Variants in AXDND1 observed in about 807,000 individuals in gnomAD.
The protein encoded by AXDND1 is axonemal dynein light chain domain-containing protein 1.
In AXDND1, 110 loss-of-function variants were observed where a neutral mutation model predicts 137.5. The ratio of observed to expected loss-of-function variants is 0.80; its 90% CI spans 0.69 to 0.94. AXDND1 has a LOEUF of 0.94. AXDND1 is among the 40% of genes least tolerant of loss of function. The pLI is 0.00. For synonymous variants in AXDND1, 414 were observed against 399.7 expected (o/e 1.04, Z -0.43); for missense variants, 1,191 against 1,169.8 (o/e 1.02, Z -0.26).
chr1:179,530,685 C>G (rs1670963220), intron 23 of AXDND1, among the ~76,000 whole-genome samples: 1 of 152,192 alleles, frequency 6.6e-6, no homozygotes, highest in Non-Finnish European at 1.5e-5. Context: ...GCTGCTGCTA[C>G]TACAGATCAC....
At chr1:179,402,291 A>C (rs1457630719) in intron 11 of AXDND1, among the ~76,000 whole-genome samples, 1 of 152,050 alleles carries the variant, frequency 6.6e-6, no homozygotes, top group Non-Finnish European at 1.5e-5. Context: ...TTTCTGTAGT[A>C]TAACTTTCTT....
Position 179,395,140 on chromosome 1 carries a change from G to C in AXDND1, c.1047G>C (p.Lys349Asn). Reference sequence around the variant, plus strand: ...GGGCACATGATGTGAAATTAACAAAGGAAACAGAAAAAGCCCACAAGGATT... The same window carrying C: ...GGGCACATGATGTGAAATTAACAAACGAAACAGAAAAAGCCCACAAGGATT... Reference protein sequence around the residue: ...LVRAHDVKLTKETEKAHKDLA... With the variant: ...LVRAHDVKLTNETEKAHKDLA... The change falls in exon 11 of 26, where the codon AAG becomes AAC. Residue 349 changes from lysine to asparagine, a missense_variant. Coordinates refer to ENST00000367618, the MANE Select transcript of AXDND1 (RefSeq NM_144696.6). The C allele has an allele frequency of 1.1e-5, 18 of 1,613,374 alleles. No individual in the cohort carries two copies. Among genetic ancestry groups the C allele is most frequent in the Non-Finnish European group, 1.5e-5 (18 of 1,179,714 alleles).
chr1:179,377,090 C>A (rs1647391751), intron 4 of AXDND1, among the ~76,000 whole-genome samples: 1 of 152,054 alleles, frequency 6.6e-6, no homozygotes, highest in South Asian at 2.1e-4. Flanking sequence ...CACCACCACG[C>A]CCGGCTAATT....
chr1:179,508,929 T>C (rs1235340693), intron 20 of AXDND1, among the ~76,000 whole-genome samples: 1 of 152,222 alleles, frequency 6.6e-6, no homozygotes, highest in Admixed American at 6.5e-5. Context: ...TATAATTAAG[T>C]ACAAGGTAGG....
intron 25 of AXDND1, among the ~76,000 whole-genome samples, chr1:179,546,754 T>G (rs532228977): frequency 3.9e-5 from 6 of 152,090 alleles, no homozygotes; most frequent in Non-Finnish European, 8.8e-5. Flanking sequence ...CATACCATAG[T>G]GTACTTAAGG....
At chr1:179,413,034 A>T (rs904081918) in intron 12 of AXDND1, among the ~76,000 whole-genome samples, 1 of 152,176 alleles carries the variant, frequency 6.6e-6, no homozygotes, top group Non-Finnish European at 1.5e-5. Context: ...AATTGAGATT[A>T]CTACATCTTG....
intron 17 of AXDND1, among the ~76,000 whole-genome samples, chr1:179,471,563 G>T (rs555438004): frequency 6.6e-6 from 1 of 151,972 alleles, no homozygotes; most frequent in Admixed American, 6.6e-5. Context: ...CCCTTCTCTC[G>T]TTTCCAATTC....
At chr1:179,439,540 G>C (rs1429006402) in intron 15 of AXDND1, among the ~76,000 whole-genome samples, 2 of 152,178 alleles carry the variant, frequency 1.3e-5, no homozygotes, top group East Asian at 3.8e-4. Flanking sequence ...TCGTACTGCT[G>C]GGGGATTGGG....
At chr1:179,551,552 T>C (rs1024698691) in intron 25 of AXDND1, 1 of 1,366,174 alleles carries the variant, frequency 7.3e-7, no homozygotes, top group African/African-American at 1.4e-5. Flanking sequence ...GCATCTACTA[T>C]GTGGCAAGCA....
At chr1:179,512,943 AT>A in intron 21 of AXDND1, among the ~76,000 whole-genome samples, 1 of 152,074 alleles carries the variant, frequency 6.6e-6, no homozygotes, top group Admixed American at 6.6e-5. Context: ...TTCTTTTATC[AT>A]TTCTAGGAGC....
At chr1:179,542,458 A>G (rs891350957) in intron 25 of AXDND1, among the ~76,000 whole-genome samples, 2 of 152,182 alleles carry the variant, frequency 1.3e-5, no homozygotes, top group African/African-American at 4.8e-5. Context: ...TCAACTCTGA[A>G]CTGGCGAAAA....
At chr1:179,497,045 G>A (rs76294143) in intron 20 of AXDND1, among the ~76,000 whole-genome samples, 3 of 152,008 alleles carry the variant, frequency 2.0e-5, no homozygotes, top group East Asian at 3.8e-4. Context: ...TTTCATTGTA[G>A]TCAGAGAACA....
At chr1:179,366,245 A>T in intron 1 of AXDND1, 159 bp from the exon 2 acceptor site, 1 of 275,132 alleles carries the variant, frequency 3.6e-6, no homozygotes, top group Non-Finnish European at 7.1e-6. Flanking sequence ...CTGACGGTCC[A>T]CTAAGGCTTC....
chr1:179,404,993 T>G (rs1571677691), intron 11 of AXDND1, among the ~76,000 whole-genome samples: 1 of 152,102 alleles, frequency 6.6e-6, no homozygotes, highest in South Asian at 2.1e-4. Flanking sequence ...GCCATGGTGG[T>G]TTGCTGCACC....
intron 16 of AXDND1, chr1:179,447,738 A>G: frequency 7.4e-7 from 1 of 1,348,528 alleles, no homozygotes; most frequent in Non-Finnish European, 1.1e-6. Flanking sequence ...TTGCACCAGT[A>G]GCTCCAATCA....
intron 20 of AXDND1, among the ~76,000 whole-genome samples, chr1:179,507,178 T>C (rs1448895274): frequency 6.6e-6 from 1 of 152,218 alleles, no homozygotes; most frequent in African/African-American, 2.4e-5. Context: ...CAATTAAGAA[T>C]ATTCATGGAA....
chr1:179,432,254 TTC>T lies in AXDND1; in HGVS notation c.1488-11_1488-10del. 2 of 1,527,726 alleles carry T rather than the reference TTC, an allele frequency of 1.3e-6. No individual in the cohort carries two copies. Among genetic ancestry groups the T allele is most frequent in the Non-Finnish European group, 1.8e-6 (2 of 1,133,952 alleles). The allele number at this position is 1,527,726 out of a possible 1,614,324, so 94.6% of individuals were successfully genotyped here. ...TTCTGAGATGTTTCTCTTTTTTTTT[TTC>T]TTCTTTTCAGTGAAAAAGACATTTT... On this transcript the variant is annotated splice_polypyrimidine_tract_variant and intron_variant, in intron 14 of 25. Transcript: ENST00000367618.
chr1:179,474,106 TC>T (rs536958902), intron 17 of AXDND1, among the ~76,000 whole-genome samples: 180 of 151,732 alleles, frequency 1.2e-3, no homozygotes, highest in Non-Finnish European at 2.3e-3. Flanking sequence ...GTGCCTGTAA[TC>T]CCAGCTACTT....
intron 9 of AXDND1, among the ~76,000 whole-genome samples, chr1:179,391,353 G>A (rs1650167779): frequency 2.6e-5 from 4 of 151,724 alleles, no homozygotes; most frequent in Admixed American, 2.0e-4. Context: ...TCGTGGTATG[G>A]TTTGGCTGTG....
Sources: allele counts gnomAD v4.1 joint callset (sites outside exome capture counted in the v4.1 genomes callset), GRCh38; gene constraint gnomAD v4.1.1; transcripts MANE v1.5; gene names NCBI Gene and HGNC (gene_info 2026-07-23, HGNC 2026-07-21).